Variants in ROBO1 observed in about 807,000 individuals in gnomAD.
ROBO1 encodes roundabout homolog 1.
In ROBO1, 149 loss-of-function variants were observed where a neutral mutation model predicts 195.9. That is an observed-to-expected ratio of 0.76 (90% CI 0.67 to 0.87). ROBO1 has a LOEUF of 0.87. Among genes scored for constraint, ROBO1 ranks in the 40% least tolerant of loss-of-function variants. The pLI is 0.00. For synonymous variants in ROBO1, 816 were observed against 733.2 expected, an observed-to-expected ratio of 1.11 and a Z score of -1.82; for missense variants, 1,933 against 2,068.3, an observed-to-expected ratio of 0.93 and a Z score of 1.27.
intron 2 of ROBO1, among the ~76,000 whole-genome samples, chr3:79,137,933 A>G (rs1219873712): frequency 1.3e-5 from 2 of 152,090 alleles, no homozygotes; most frequent in Non-Finnish European, 2.9e-5. Context: ...GAGGTCCATT[A>G]AGCATATCAC....
chr3:78,681,143 T>G lies in ROBO1; in HGVS notation c.1342+4603A>C, dbSNP rs1168910518. 1.4e-3 allele frequency among the ~76,000 whole-genome samples: 205 copies of G among 141,744 alleles called. 2 individuals are homozygous for G. Among genetic ancestry groups the G allele is most frequent in the African/African-American group, 5.2e-3 (197 of 37,590 alleles). 93.0% of individuals were successfully genotyped at this position (141,744 alleles called of 152,430 possible). A position where few individuals can be genotyped will look rare whatever the true frequency, so the allele number is the denominator to read the frequency against. On this transcript the variant is annotated intron_variant, in intron 10 of 30. Coordinates refer to ENST00000464233, the MANE Select transcript of ROBO1 (RefSeq NM_002941.4). ...GTGGGAATTGAACAATGAGAACACA[T>G]GGACACAGGAAGGGGAACATCACAC...
intron 2 of ROBO1, among the ~76,000 whole-genome samples, chr3:79,518,861 G>A (rs1413489094): frequency 6.9e-6 from 1 of 144,088 alleles, no homozygotes; most frequent in Admixed American, 6.9e-5. Context: ...TTTTTTTTTA[G>A]TAGAGACGGG....
intron 1 of ROBO1, among the ~76,000 whole-genome samples, chr3:79,766,710 C>T (rs1175877463): frequency 6.6e-6 from 1 of 152,098 alleles, no homozygotes; most frequent in Admixed American, 6.5e-5. Flanking sequence ...CGCGCGCAGC[C>T]GCACCCGCGC....
At chr3:78,995,565 C>A (rs1477222176) in intron 3 of ROBO1, among the ~76,000 whole-genome samples, 1 of 151,994 alleles carries the variant, frequency 6.6e-6, no homozygotes, top group East Asian at 1.9e-4. Flanking sequence ...AATCATGTGA[C>A]TCTTCTGCTT....
intron 3 of ROBO1, among the ~76,000 whole-genome samples, chr3:79,102,826 ATTT>A (rs1176172472): frequency 1.3e-5 from 2 of 151,780 alleles, no homozygotes; most frequent in East Asian, 3.9e-4. Context: ...GTGTTTCATT[ATTT>A]ATGATGGTCA....
intron 2 of ROBO1, among the ~76,000 whole-genome samples, chr3:79,215,962 C>T (rs1171265306): frequency 2.0e-5 from 3 of 151,914 alleles, no homozygotes; most frequent in South Asian, 2.1e-4. Context: ...ATAAAATACA[C>T]ACTAATCTAT....
At chr3:78,724,162 C>A (rs1014069893) in intron 5 of ROBO1, among the ~76,000 whole-genome samples, 9 of 152,036 alleles carry the variant, frequency 5.9e-5, no homozygotes, top group African/African-American at 1.9e-4. Context: ...AAGAAACATG[C>A]CAGTTTTCAA....
intron 28 of ROBO1, among the ~76,000 whole-genome samples, chr3:78,613,924 A>G (rs1056026117): frequency 4.6e-5 from 7 of 152,220 alleles, no homozygotes; most frequent in Non-Finnish European, 8.8e-5. Flanking sequence ...TAGCAAATGT[A>G]GCAAACTTGA....
At chr3:79,574,700 T>C (rs1445572568) in intron 2 of ROBO1, among the ~76,000 whole-genome samples, 2 of 151,964 alleles carry the variant, frequency 1.3e-5, no homozygotes, top group African/African-American at 4.8e-5. Context: ...TTTGTGGATC[T>C]GTGACTTTTA....
intron 4 of ROBO1, among the ~76,000 whole-genome samples, chr3:78,785,594 AT>A (rs1559853842): frequency 6.6e-6 from 1 of 152,158 alleles, no homozygotes; most frequent in Non-Finnish European, 1.5e-5. Context: ...CTATGATTCA[AT>A]TCCTTCTTAA....
chr3:79,126,004 T>C (rs62259673), intron 2 of ROBO1, among the ~76,000 whole-genome samples: 1 of 152,172 alleles, frequency 6.6e-6, no homozygotes, highest in Admixed American at 6.5e-5. Context: ...GTACCTCATA[T>C]GAGGCAGGGA....
At chr3:78,973,575 C>CTATATATATA (rs58598961) in intron 3 of ROBO1, among the ~76,000 whole-genome samples, 4 of 129,426 alleles carry the variant, frequency 3.1e-5, no homozygotes, top group African/African-American at 1.1e-4. Context: ...ATATATGAAG[C>CTATATATATA]TATATATATA....
chr3:79,287,111 T>C (rs2031934560), intron 2 of ROBO1, among the ~76,000 whole-genome samples: 2 of 152,188 alleles, frequency 1.3e-5, no homozygotes, highest in African/African-American at 4.8e-5. Context: ...CATCATGTAA[T>C]GGTAACACTA....
At chr3:79,162,107 C>A (rs897535374) in intron 2 of ROBO1, among the ~76,000 whole-genome samples, 1 of 151,908 alleles carries the variant, frequency 6.6e-6, no homozygotes, top group African/African-American at 2.4e-5. Flanking sequence ...CAATGTCTTG[C>A]CAATAAAATT....
intron 1 of ROBO1, among the ~76,000 whole-genome samples, chr3:79,734,826 C>A (rs1703310523): frequency 6.6e-6 from 1 of 151,908 alleles, no homozygotes; most frequent in Non-Finnish European, 1.5e-5. Flanking sequence ...GAGTAACGAC[C>A]CTCTCAATCA....
intron 25 of ROBO1, among the ~76,000 whole-genome samples, chr3:78,629,248 CAGTT>C (rs978112348): frequency 2.0e-5 from 3 of 152,158 alleles, no homozygotes; most frequent in Admixed American, 6.5e-5. Context: ...TCATTCTTCT[CAGTT>C]AGAATCAGTC....
chr3:79,619,876 C>T (rs1327384210), intron 1 of ROBO1, among the ~76,000 whole-genome samples: 1 of 152,110 alleles, frequency 6.6e-6, no homozygotes, highest in Non-Finnish European at 1.5e-5. Flanking sequence ...GATTCCAGCC[C>T]TCAAACCCCA....
chr3:78,608,780 A>C (rs564063314), intron 28 of ROBO1, among the ~76,000 whole-genome samples: 2 of 152,280 alleles, frequency 1.3e-5, no homozygotes, highest in South Asian at 4.1e-4. Flanking sequence ...GGATCAATGA[A>C]ATACAGTACA....
At chr3:79,758,842 A>C (rs1704545016) in intron 1 of ROBO1, among the ~76,000 whole-genome samples, 1 of 152,166 alleles carries the variant, frequency 6.6e-6, no homozygotes, top group Non-Finnish European at 1.5e-5. Flanking sequence ...AAGTCATATA[A>C]AAAAGGGCCA....
Sources: gnomAD v4.1 joint callset for allele counts (sites outside exome capture counted in the v4.1 genomes callset) on GRCh38, gnomAD v4.1.1 for gene constraint, MANE v1.5 for transcripts, NCBI Gene and HGNC (gene_info 2026-07-23, HGNC 2026-07-21) for gene names.